ADAMTS6: variants seen among roughly 807,000 people sequenced by gnomAD.
ADAMTS6 encodes ADAM metallopeptidase with thrombospondin type 1 motif 6.
In ADAMTS6, 23 loss-of-function variants were observed where a neutral mutation model predicts 144.3. The observed-to-expected ratio is 0.16, with a 90% CI of 0.11 to 0.23. The LOEUF (loss-of-function observed/expected upper bound fraction) is 0.23. Among genes scored for constraint, ADAMTS6 ranks in the 10% least tolerant of loss-of-function variants. ADAMTS6 has a pLI of 1.00. For missense variants in ADAMTS6, 999 were observed against 1,379.6 expected (o/e 0.72, Z 4.37); for synonymous variants, 444 against 457.5 (o/e 0.97, Z 0.38).
At chr5:65,458,584 GTATT>G (rs1186026618) in intron 4 of ADAMTS6, among the ~76,000 whole-genome samples, 4 of 152,040 alleles carry the variant, frequency 2.6e-5, no homozygotes, top group Non-Finnish European at 4.4e-5. Flanking sequence ...GCTTATTTTT[GTATT>G]TTTAGTAGAG....
Position 65,398,836 on chromosome 5 carries a change from GAA to G in ADAMTS6, c.1073+52637_1073+52638del, listed in dbSNP as rs775337670. Reference sequence around the variant, plus strand: ...AGAAAGAAAGAAAGAAAGAAAGAAAGAAAGAAAGAAAGAAAAAGAAAGAGAAA... The same window carrying G: ...AGAAAGAAAGAAAGAAAGAAAGAAAGAGAAAGAAAGAAAAAGAAAGAGAAA... On this transcript the variant is annotated intron_variant, in intron 7 of 24. Transcript: ENST00000381055. 5.0e-4 allele frequency among the ~76,000 whole-genome samples: 66 copies of G among 131,544 alleles called. 2 individuals carry two copies. Among genetic ancestry groups the G allele is most frequent in the East Asian group, 7.0e-4 (3 of 4,314 alleles). The allele number at this position is 131,544 out of a possible 152,430, so 86.3% of individuals were successfully genotyped here. A position where few individuals can be genotyped will look rare whatever the true frequency, so the allele number is the denominator to read the frequency against.
chr5:65,430,734 T>C (rs184270859), intron 7 of ADAMTS6, among the ~76,000 whole-genome samples: 4 of 152,312 alleles, frequency 2.6e-5, no homozygotes, highest in African/African-American at 9.6e-5. Context: ...TTTCAGACTC[T>C]TGTAGCAAAT....
chr5:65,331,518 T>C (rs1456353844), intron 8 of ADAMTS6, among the ~76,000 whole-genome samples: 1 of 152,090 alleles, frequency 6.6e-6, no homozygotes, highest in East Asian at 1.9e-4. Context: ...TGAAAGTATT[T>C]TAAATGCTAA....
rs1753566091 is a variant in ADAMTS6, at chr5:65,170,733, A to G, written c.3128T>C (p.Val1043Ala). 1 of 1,614,210 alleles carries G rather than the reference A, an allele frequency of 6.2e-7. No homozygotes were observed. The change falls in exon 24 of 25, where the codon GTG becomes GCG. Residue 1043 changes from valine (V) to alanine (A), a missense_variant. Val to Ala is a moderately conservative substitution (Grantham distance 64). Around this residue, in one of 3 missense-constraint regions of ADAMTS6, gnomAD observed 619 missense variants for 837.0 expected, o/e 0.74. Coordinates refer to ENST00000381055, the MANE Select transcript of ADAMTS6 (RefSeq NM_197941.4). Reference sequence around the variant, plus strand: ...CTGTCCGGTGTAGGAGAGACACTGCACAGTTCTCATCTGCTGTCCAAGGCC... The same window carrying G: ...CTGTCCGGTGTAGGAGAGACACTGCGCAGTTCTCATCTGCTGTCCAAGGCC... ...QCGLGQQMRT[V>A]QCLSYTGQAS...
intron 11 of ADAMTS6, among the ~76,000 whole-genome samples, chr5:65,278,143 G>T (rs1214929047): frequency 6.6e-6 from 1 of 152,158 alleles, no homozygotes; most frequent in Non-Finnish European, 1.5e-5. Context: ...CATTCAAGCT[G>T]CTGCAAGACA....
chr5:65,202,068 ATCTGCC>A (rs1490428569), intron 20 of ADAMTS6, among the ~76,000 whole-genome samples: 1 of 152,198 alleles, frequency 6.6e-6, no homozygotes, highest in Admixed American at 6.5e-5. Flanking sequence ...AGCAAAGCCC[ATCTGCC>A]TTGGATCTAA....
chr5:65,373,573 C>G (rs1416651757), intron 7 of ADAMTS6, among the ~76,000 whole-genome samples: 1 of 151,944 alleles, frequency 6.6e-6, no homozygotes, highest in Non-Finnish European at 1.5e-5. Flanking sequence ...AGTTGAATCT[C>G]TGAATAGACC....
chr5:65,350,146 T>C (rs557111005), intron 7 of ADAMTS6, among the ~76,000 whole-genome samples: 1 of 152,340 alleles, frequency 6.6e-6, no homozygotes, highest in East Asian at 1.9e-4. Context: ...AGTAAGTATC[T>C]ATAGTGTTGT....
At chr5:65,278,515 T>C (rs1762739743) in intron 11 of ADAMTS6, among the ~76,000 whole-genome samples, 1 of 152,222 alleles carries the variant, frequency 6.6e-6, no homozygotes, top group Non-Finnish European at 1.5e-5. Context: ...TTTAATAATG[T>C]CAATTCTTGC....
In ADAMTS6 at chr5:65,204,725, A is replaced by AT. The variant is rs560693316; in HGVS notation, c.2576-7575dup. Among the ~76,000 whole-genome samples, 165 of 152,278 alleles carry AT rather than the reference A, an allele frequency of 1.1e-3. 2 individuals carry two copies. The highest frequency in any genetic ancestry group is 3.8e-3 in the African/African-American group (160 of 41,560). On this transcript the variant is annotated intron_variant, in intron 20 of 24. Transcript: ENST00000381055. ...CCTTTGTTCTTCCTAAACTCAAGTC[A>AT]TTTTTTTATAGGGGATTTGTATTAT...
intron 24 of ADAMTS6, among the ~76,000 whole-genome samples, chr5:65,158,128 G>A (rs1420488240): frequency 6.6e-6 from 1 of 152,112 alleles, no homozygotes; most frequent in Non-Finnish European, 1.5e-5. Flanking sequence ...AGTGAATTAC[G>A]AACTCTTTGA....
At chr5:65,414,894 T>A (rs1046456946) in intron 7 of ADAMTS6, among the ~76,000 whole-genome samples, 1 of 151,984 alleles carries the variant, frequency 6.6e-6, no homozygotes. Flanking sequence ...GAAAAAAACA[T>A]AGGAGTAAAT....
chr5:65,374,725 C>T (rs1352660754), intron 7 of ADAMTS6, among the ~76,000 whole-genome samples: 1 of 152,192 alleles, frequency 6.6e-6, no homozygotes, highest in African/African-American at 2.4e-5. Context: ...CATCAAGCTA[C>T]CAATGACTTT....
intron 7 of ADAMTS6, among the ~76,000 whole-genome samples, chr5:65,436,690 A>C (rs973636825): frequency 5.7e-5 from 8 of 139,444 alleles, no homozygotes; most frequent in Non-Finnish European, 9.5e-5. Flanking sequence ...TTTAAAAAAA[A>C]CCAAAAAACA....
intron 20 of ADAMTS6, among the ~76,000 whole-genome samples, chr5:65,205,444 T>C (rs1756022957): frequency 2.6e-5 from 4 of 152,236 alleles, no homozygotes; most frequent in Admixed American, 6.5e-5. Context: ...TGAGAACTGT[T>C]CTCTTTTAGT....
chr5:65,325,022 C>T (rs1026473714), intron 9 of ADAMTS6, among the ~76,000 whole-genome samples: 3 of 152,104 alleles, frequency 2.0e-5, no homozygotes, highest in South Asian at 2.1e-4. Context: ...TTATGCTCAG[C>T]GGAAATACCT....
At chr5:65,379,664 C>T (rs1284967828) in intron 7 of ADAMTS6, among the ~76,000 whole-genome samples, 1 of 152,070 alleles carries the variant, frequency 6.6e-6, no homozygotes, top group Non-Finnish European at 1.5e-5. Flanking sequence ...ACCCCGCTTT[C>T]TCCTCCCAGC....
intron 7 of ADAMTS6, among the ~76,000 whole-genome samples, chr5:65,422,053 T>C (rs1756090505): frequency 6.6e-6 from 1 of 151,984 alleles, no homozygotes; most frequent in African/African-American, 2.4e-5. Context: ...TTGCAAACTG[T>C]GCATCCCACA....
At chr5:65,447,534 T>C (rs1269019552) in intron 7 of ADAMTS6, among the ~76,000 whole-genome samples, 2 of 152,126 alleles carry the variant, frequency 1.3e-5, no homozygotes, top group Non-Finnish European at 2.9e-5. Flanking sequence ...GCAAGTTTTA[T>C]AGCAAGTTAA....
Sources: allele counts gnomAD v4.1 joint callset (sites outside exome capture counted in the v4.1 genomes callset), GRCh38; gene constraint gnomAD v4.1.1; regional missense constraint gnomAD v4.1.1; transcripts MANE v1.5; gene names NCBI Gene and HGNC (gene_info 2026-07-23, HGNC 2026-07-21).